Variants in PALM2AKAP2 observed in about 807,000 individuals in gnomAD.
PALM2AKAP2 encodes the protein PALM2-AKAP2 fusion protein.
A neutral mutation model predicts 71.5 loss-of-function variants in PALM2AKAP2; 37 were observed. The ratio of observed to expected loss-of-function variants is 0.52; its 90% CI spans 0.40 to 0.68. The LOEUF is 0.68. Among genes scored for constraint, PALM2AKAP2 ranks in the 30% least tolerant of loss-of-function variants. The pLI is 0.00. For synonymous variants in PALM2AKAP2, 468 were observed against 478.8 expected, an observed-to-expected ratio of 0.98 and a Z score of 0.29; for missense variants, 1,224 against 1,191.8, an observed-to-expected ratio of 1.03 and a Z score of -0.40.
intron 3 of PALM2AKAP2, among the ~76,000 whole-genome samples, chr9:109,923,166 G>C (rs1564212539): frequency 1.3e-5 from 2 of 152,178 alleles, no homozygotes; most frequent in Admixed American, 6.5e-5. Context: ...TGAAAATTGA[G>C]GAAAGTTCCA....
intron 6 of PALM2AKAP2, among the ~76,000 whole-genome samples, chr9:109,947,039 G>A (rs1388149828): frequency 6.6e-6 from 1 of 152,172 alleles, no homozygotes; most frequent in Non-Finnish European, 1.5e-5. Flanking sequence ...ACAGTGTTCA[G>A]TGACATCATT....
chr9:109,867,206 C>CTGTGTG (rs1250948686), intron 1 of PALM2AKAP2: 6 of 203,486 alleles, frequency 2.9e-5, no homozygotes, highest in African/African-American at 1.0e-4. Flanking sequence ...GTGTGTGTGT[C>CTGTGTG]TGTGTGTGTG....
chr9:109,880,645 A>G, exon 3 of PALM2AKAP2: 1 of 1,614,038 alleles, frequency 6.2e-7, no homozygotes, highest in South Asian at 1.1e-5. Context: ...GAAGAGGATG[A>G]GTTCAGAGTC....
chr9:110,070,104 A>G (rs1293057995), intron 1 of PALM2AKAP2, among the ~76,000 whole-genome samples: 1 of 152,204 alleles, frequency 6.6e-6, no homozygotes, highest in Non-Finnish European at 1.5e-5. Flanking sequence ...CTCCTAGCAG[A>G]GCGGTACTGA....
chr9:109,864,326 C>A (rs1358975635), intron 1 of PALM2AKAP2, among the ~76,000 whole-genome samples: 1 of 152,220 alleles, frequency 6.6e-6, no homozygotes, highest in East Asian at 1.9e-4. Flanking sequence ...CACTGTTACC[C>A]CTTCCTGCAC....
intron 2 of PALM2AKAP2, among the ~76,000 whole-genome samples, chr9:110,151,788 C>A (rs1836321335): frequency 6.6e-6 from 1 of 152,200 alleles, no homozygotes; most frequent in African/African-American, 2.4e-5. Context: ...TGTAGTGGTT[C>A]CTTACGTTCC....
chr9:109,880,562 T>G (rs1829822390), exon 3 of PALM2AKAP2: 1 of 1,612,706 alleles, frequency 6.2e-7, no homozygotes, highest in South Asian at 1.1e-5. Flanking sequence ...CCAAAGTGCT[T>G]CGGGAGAAAT....
intron 1 of PALM2AKAP2, 23 bp downstream of exon 1, chr9:109,780,556 T>G: frequency 6.2e-7 from 1 of 1,613,346 alleles, no homozygotes; most frequent in East Asian, 2.2e-5. Flanking sequence ...TCATTTTATT[T>G]TCTTGCTCTA....
chr9:109,827,138 C>G (rs139976163), intron 1 of PALM2AKAP2, among the ~76,000 whole-genome samples: 1 of 152,082 alleles, frequency 6.6e-6, no homozygotes, highest in Non-Finnish European at 1.5e-5. Context: ...CACTGCTATT[C>G]GGTGACAAAG....
upstream of PALM2AKAP2, among the ~76,000 whole-genome samples, chr9:110,044,596 C>A (rs1833565285): frequency 6.6e-6 from 1 of 151,420 alleles, no homozygotes; most frequent in Admixed American, 6.6e-5. Flanking sequence ...AGGTGATCCA[C>A]CCGCTTCGGC....
At chr9:109,730,234 A>G (rs944539171) in intron 1 of PALM2AKAP2, among the ~76,000 whole-genome samples, 32 of 152,248 alleles carry the variant, frequency 2.1e-4, no homozygotes, top group African/African-American at 7.7e-4. Context: ...GGAATCTATA[A>G]GGAAAATCTT....
intron 3 of PALM2AKAP2, among the ~76,000 whole-genome samples, chr9:109,920,191 T>A (rs1162306041): frequency 6.6e-6 from 1 of 152,168 alleles, no homozygotes; most frequent in Non-Finnish European, 1.5e-5. Context: ...GCTCACATCC[T>A]ATTGGCTAAA....
chr9:109,952,558 C>T (rs140084337), intron 6 of PALM2AKAP2, among the ~76,000 whole-genome samples: 47 of 152,240 alleles, frequency 3.1e-4, no homozygotes, highest in African/African-American at 1.1e-3. Context: ...GAGTTTCAAC[C>T]AATAGAACGT....
At chr9:110,117,464 A>G (rs1835388085) in intron 1 of PALM2AKAP2, among the ~76,000 whole-genome samples, 1 of 152,140 alleles carries the variant, frequency 6.6e-6, no homozygotes, top group Non-Finnish European at 1.5e-5. Context: ...CATGGACTCC[A>G]CTTCAGCTTT....
At chr9:110,097,389 T>A (rs1834874467) in intron 1 of PALM2AKAP2, among the ~76,000 whole-genome samples, 1 of 149,182 alleles carries the variant, frequency 6.7e-6, no homozygotes, top group African/African-American at 2.5e-5. Flanking sequence ...GATTTCTCAA[T>A]CTTTTCCCCA....
Position 109,742,487 on chromosome 9 carries a change from C to G in PALM2AKAP2, c.6-38001C>G, listed in dbSNP as rs984707329. On this transcript the variant is annotated intron_variant, in intron 1 of 6. Coordinates refer to the PALM2AKAP2 transcript ENST00000374531. ...GGTCAGGAGTCTAAAAGATGGCAAT[C>G]CCAGTTTACCTTTGCTTTTATCCTA... Among the ~76,000 whole-genome samples the G allele has an allele frequency of 2.0e-5, 3 of 152,212 alleles. No individual in the cohort carries two copies. The East Asian group carries it at 5.8e-4, about 29-fold the overall frequency.
chr9:109,991,075 A>G lies in PALM2AKAP2; in HGVS notation c.497-24879A>G, dbSNP rs117301996. ...TGGGGGTTCTTGAAGCAGCTCACCC[A>G]GGGTGAGACTGGTGCAGAGAGCAAC... On this transcript the variant is annotated intron_variant, in intron 6 of 9. Transcript: ENST00000302798. Among the ~76,000 whole-genome samples, 23 of 152,182 alleles carry G rather than the reference A, an allele frequency of 1.5e-4. No individual in the cohort carries two copies. The East Asian group carries it at 4.1e-3, about 27-fold the overall frequency.
At chr9:109,830,029 C>T (rs1828256204) in intron 1 of PALM2AKAP2, among the ~76,000 whole-genome samples, 1 of 152,046 alleles carries the variant, frequency 6.6e-6, no homozygotes, top group Non-Finnish European at 1.5e-5. Context: ...TTCTTTTAGC[C>T]TCTGTTTATG....
At chr9:109,755,887 T>C (rs1442020872) in intron 1 of PALM2AKAP2, among the ~76,000 whole-genome samples, 2 of 152,126 alleles carry the variant, frequency 1.3e-5, no homozygotes, top group African/African-American at 2.4e-5. Context: ...AATACATACT[T>C]GGTGAAAAAC....
Sources: allele counts gnomAD v4.1 joint callset (sites outside exome capture counted in the v4.1 genomes callset), GRCh38; gene constraint gnomAD v4.1.1; transcripts MANE v1.5; gene names NCBI Gene and HGNC (gene_info 2026-07-23, HGNC 2026-07-21).